The following KLF12 variants were observed in gnomAD, a reference collection of about 807,000 sequenced individuals.
KLF12 encodes the protein KLF transcription factor 12.
KLF12 carries 9 observed loss-of-function variants against 37.8 expected under a neutral mutation model. The ratio of observed to expected loss-of-function variants is 0.24; its 90% CI spans 0.14 to 0.42. The LOEUF (loss-of-function observed/expected upper bound fraction) is 0.42. Among genes scored for constraint, KLF12 ranks in the 10% least tolerant of loss-of-function variants. The pLI, the probability that KLF12 is intolerant of heterozygous loss-of-function variation, is 1.00. For missense variants in KLF12, 411 were observed against 516.0 expected (o/e 0.80, Z 1.97); for synonymous variants, 208 against 202.1 (o/e 1.03, Z -0.25).
chr13:73,861,179 G>A lies in KLF12; in HGVS notation c.124-14806C>T, dbSNP rs186410272. ...TCTGCATTTTTTTCTGTCAATCGGG[G>A]TGTAATACATGGCATGAAGGTTATA... On this transcript the variant is annotated intron_variant, in intron 3 of 7. Coordinates refer to ENST00000377669, the MANE Select transcript of KLF12 (RefSeq NM_007249.5). Among the ~76,000 whole-genome samples, 334 of 152,120 alleles carry A rather than the reference G, an allele frequency of 2.2e-3. 4 individuals are homozygous for A. Among genetic ancestry groups the A allele is most frequent in the African/African-American group, 7.7e-3 (319 of 41,492 alleles).
chr13:74,267,858 T>C, the KLF12 span, among the ~76,000 whole-genome samples: 8 of 152,210 alleles, frequency 5.3e-5, no homozygotes, highest in African/African-American at 1.7e-4. Context: ...TGTGTACAAT[T>C]ATTATGATTA....
the KLF12 span, among the ~76,000 whole-genome samples, chr13:74,178,764 T>C: frequency 1.3e-5 from 2 of 152,184 alleles, no homozygotes; most frequent in Non-Finnish European, 2.9e-5. Flanking sequence ...ACACTGAGCA[T>C]AGGACATCCC....
At chr13:73,861,291 G>C (rs939370394) in intron 3 of KLF12, among the ~76,000 whole-genome samples, 1 of 152,094 alleles carries the variant, frequency 6.6e-6, no homozygotes, top group Non-Finnish European at 1.5e-5. Context: ...TGCTAACTCT[G>C]ATCCTTTCAG....
chr13:73,700,371 G>C (rs1874462555), intron 7 of KLF12, among the ~76,000 whole-genome samples: 1 of 151,584 alleles, frequency 6.6e-6, no homozygotes, highest in South Asian at 2.1e-4. Context: ...CATGTAATAA[G>C]GAATGAAAAC....
the KLF12 span, among the ~76,000 whole-genome samples, chr13:74,179,721 T>C: frequency 4.6e-5 from 7 of 152,198 alleles, no homozygotes; most frequent in Non-Finnish European, 1.0e-4. Context: ...AATAGTGTAC[T>C]CCAGGTGGCT....
At chr13:74,262,748 C>G in the KLF12 span, among the ~76,000 whole-genome samples, 101 of 152,174 alleles carry the variant, frequency 6.6e-4, no homozygotes, top group Non-Finnish European at 2.1e-4. Flanking sequence ...CCAGAGAAGA[C>G]TTGCATGATC....
At chr13:73,913,326 T>C (rs547646488) in intron 3 of KLF12, among the ~76,000 whole-genome samples, 82 of 152,326 alleles carry the variant, frequency 5.4e-4, no homozygotes, top group African/African-American at 1.8e-3. Flanking sequence ...CTTCCACATG[T>C]AAATCTAGCA....
At chr13:74,183,314 T>C in the KLF12 span, among the ~76,000 whole-genome samples, 4 of 152,186 alleles carry the variant, frequency 2.6e-5, no homozygotes, top group African/African-American at 9.7e-5. Context: ...GACTCGGCTA[T>C]GACTTGTCAG....
intron 3 of KLF12, among the ~76,000 whole-genome samples, chr13:73,887,559 C>A (rs553619861): frequency 6.6e-6 from 1 of 152,190 alleles, no homozygotes. Context: ...TCACCAGAAG[C>A]TGAGCAGATG....
At chr13:74,248,242 A>G in the KLF12 span, among the ~76,000 whole-genome samples, 5 of 152,190 alleles carry the variant, frequency 3.3e-5, no homozygotes, top group Non-Finnish European at 7.3e-5. Flanking sequence ...GTACTCTGGA[A>G]GCATTCAGAT....
At chr13:73,726,918 A>G (rs1044891372) in intron 6 of KLF12, among the ~76,000 whole-genome samples, 14 of 152,342 alleles carry the variant, frequency 9.2e-5, no homozygotes, top group Admixed American at 2.6e-4. Context: ...ATTGTGAGAA[A>G]GATCCAATTT....
chr13:74,009,598 A>G (rs1184536177), intron 1 of KLF12, among the ~76,000 whole-genome samples: 5 of 152,192 alleles, frequency 3.3e-5, no homozygotes, highest in Admixed American at 6.5e-5. Flanking sequence ...AACAAGAGAG[A>G]AGGAGAGAAA....
chr13:74,296,734 G>A, the KLF12 span, among the ~76,000 whole-genome samples: 1 of 152,022 alleles, frequency 6.6e-6, no homozygotes, highest in East Asian at 1.9e-4. Context: ...TAATTTTCTT[G>A]ACCAAATCAC....
chr13:73,887,315 T>C (rs543532689), intron 3 of KLF12, among the ~76,000 whole-genome samples: 1 of 152,328 alleles, frequency 6.6e-6, no homozygotes, highest in African/African-American at 2.4e-5. Context: ...CATATTGAAA[T>C]GCAATCCTCA....
intron 6 of KLF12, among the ~76,000 whole-genome samples, chr13:73,747,619 C>T (rs1878461894): frequency 1.3e-5 from 2 of 152,118 alleles, no homozygotes; most frequent in Non-Finnish European, 2.9e-5. Context: ...TAATAGTCAA[C>T]ACTTATTTAT....
In KLF12 at chr13:73,722,198, T is replaced by C. The variant is rs576757103; in HGVS notation, c.870-6673A>G. ...GTAGGTAGAATGACTTCTTTGTTAG[T>C]GAATCAAACACCACCCTGGGAATGA... On this transcript the variant is annotated intron_variant, in intron 6 of 7. Transcript: ENST00000377669. Among the ~76,000 whole-genome samples the C allele has an allele frequency of 2.4e-4, 37 of 152,252 alleles. No individual in the cohort carries two copies. In the South Asian group the frequency reaches 7.7e-3, roughly 32 times the overall value.
chr13:73,769,938 A>G (rs1166874651), intron 5 of KLF12, among the ~76,000 whole-genome samples: 1 of 152,164 alleles, frequency 6.6e-6, no homozygotes, highest in Non-Finnish European at 1.5e-5. Flanking sequence ...GATATTTTAT[A>G]CCAAGATTAT....
At chr13:74,221,073 C>T in the KLF12 span, among the ~76,000 whole-genome samples, 7 of 150,240 alleles carry the variant, frequency 4.7e-5, no homozygotes, top group Admixed American at 2.7e-4. Flanking sequence ...GGTGCTATCT[C>T]GGCTCACTGC....
intron 5 of KLF12, among the ~76,000 whole-genome samples, chr13:73,802,896 T>C (rs1026875668): frequency 1.3e-5 from 2 of 152,168 alleles, no homozygotes; most frequent in African/African-American, 2.4e-5. Context: ...CAAACACAAA[T>C]TGGTATGATA....
Sources: gnomAD v4.1 joint callset for allele counts (sites outside exome capture counted in the v4.1 genomes callset) on GRCh38, gnomAD v4.1.1 for gene constraint, MANE v1.5 for transcripts, NCBI Gene and HGNC (gene_info 2026-07-23, HGNC 2026-07-21) for gene names.